RPS6KC1: variants seen among roughly 807,000 people sequenced by gnomAD.
RPS6KC1 encodes the protein ribosomal protein S6 kinase C1.
RPS6KC1 carries 54 observed loss-of-function variants against 103.8 expected under a neutral mutation model. That is an observed-to-expected ratio of 0.52 (90% CI 0.42 to 0.65). The LOEUF (loss-of-function observed/expected upper bound fraction) is 0.65. RPS6KC1 is among the 30% of genes least tolerant of loss of function. The pLI is 0.00. For missense variants in RPS6KC1, 1,151 were observed against 1,253.8 expected (o/e 0.92, Z 1.24); for synonymous variants, 439 against 438.7 (o/e 1.00, Z -0.01).
chr1:213,520,445 G>C, the RPS6KC1 span, among the ~76,000 whole-genome samples: 1 of 152,094 alleles, frequency 6.6e-6, no homozygotes, highest in East Asian at 1.9e-4. Flanking sequence ...ACAACACGTG[G>C]GAATTGTGAG....
At chr1:213,785,444 A>G in the RPS6KC1 span, among the ~76,000 whole-genome samples, 3 of 152,164 alleles carry the variant, frequency 2.0e-5, no homozygotes, top group Admixed American at 6.6e-5. Flanking sequence ...AACCCAGAAA[A>G]TAAACCCAAA....
At chr1:213,151,936 C>A (rs1226939983) in intron 6 of RPS6KC1, among the ~76,000 whole-genome samples, 1 of 126,036 alleles carries the variant, frequency 7.9e-6, no homozygotes. Flanking sequence ...GGCTGACCCC[C>A]CCACCTCCCT....
the RPS6KC1 span, among the ~76,000 whole-genome samples, chr1:213,701,550 T>C: frequency 3.9e-5 from 6 of 152,098 alleles, no homozygotes; most frequent in Non-Finnish European, 8.8e-5. Flanking sequence ...CCTGGGCTTT[T>C]CTTTACTGGG....
At chr1:213,597,191 G>A in the RPS6KC1 span, among the ~76,000 whole-genome samples, 3,145 of 152,288 alleles carry the variant, frequency 0.021, 114 homozygotes, top group African/African-American at 0.071. Flanking sequence ...TAGGTTTAAA[G>A]GGTTCTTTCC....
At chr1:213,729,097 G>A in the RPS6KC1 span, among the ~76,000 whole-genome samples, 19 of 151,960 alleles carry the variant, frequency 1.3e-4, no homozygotes, top group Non-Finnish European at 2.4e-4. Flanking sequence ...TTTAAAAGAC[G>A]ACAGTTAGGT....
the RPS6KC1 span, among the ~76,000 whole-genome samples, chr1:213,752,849 C>T: frequency 5.9e-5 from 9 of 151,588 alleles, no homozygotes; most frequent in Non-Finnish European, 1.2e-4. Flanking sequence ...TCCACTTAGA[C>T]TCCTTCCCCT....
the RPS6KC1 span, among the ~76,000 whole-genome samples, chr1:213,854,837 G>A: frequency 3.3e-5 from 5 of 152,148 alleles, no homozygotes; most frequent in Non-Finnish European, 7.3e-5. Context: ...CCCATGCCCC[G>A]CCTTATCCCA....
chr1:213,421,613 A>G, the RPS6KC1 span, among the ~76,000 whole-genome samples: 2 of 152,210 alleles, frequency 1.3e-5, no homozygotes, highest in Non-Finnish European at 2.9e-5. Context: ...GGTGGAACCC[A>G]CCACCCCTCA....
rs2095099185 is a variant in RPS6KC1 at position 213,274,254 on chromosome 1, A to G, written c.*1620A>G. ...CTAGTCCCCTGGCCTCATAACAGGAACTTATGCAGGTGAGACACAAGAATG... is the reference window on the plus strand; with the variant it reads ...CTAGTCCCCTGGCCTCATAACAGGAGCTTATGCAGGTGAGACACAAGAATG... On this transcript the variant is annotated 3_prime_UTR_variant, in exon 15 of 15. Transcript: ENST00000366960. 6.6e-6 allele frequency: 1 copy of G among 152,180 alleles called. No homozygotes were observed. The highest frequency in any genetic ancestry group is 2.1e-4 in the South Asian group (1 of 4,818). 9.4% of individuals were successfully genotyped at this position (152,180 alleles called of 1,614,324 possible). A position where few individuals can be genotyped will look rare whatever the true frequency, so the allele number is the denominator to read the frequency against.
At chr1:213,599,977 T>G in the RPS6KC1 span, among the ~76,000 whole-genome samples, 1 of 152,138 alleles carries the variant, frequency 6.6e-6, no homozygotes, top group Non-Finnish European at 1.5e-5. Flanking sequence ...GTAATCCCCA[T>G]GTGTAGAGGG....
At chr1:213,397,174 A>C in the RPS6KC1 span, among the ~76,000 whole-genome samples, 5 of 152,160 alleles carry the variant, frequency 3.3e-5, no homozygotes, top group Non-Finnish European at 7.3e-5. Flanking sequence ...ATCGTGGCTC[A>C]TTCTACTGCA....
At chr1:213,155,459 A>G (rs1481892283) in intron 6 of RPS6KC1, among the ~76,000 whole-genome samples, 1 of 152,198 alleles carries the variant, frequency 6.6e-6, no homozygotes, top group Non-Finnish European at 1.5e-5. Context: ...CCCTCTGGCT[A>G]GAGTGGGTTT....
chr1:213,458,739 C>T, the RPS6KC1 span, among the ~76,000 whole-genome samples: 4 of 151,880 alleles, frequency 2.6e-5, no homozygotes, highest in Admixed American at 1.3e-4. Flanking sequence ...TGATATTGGC[C>T]GTGGGTTTGT....
the RPS6KC1 span, among the ~76,000 whole-genome samples, chr1:213,667,957 G>A: frequency 6.6e-6 from 1 of 152,138 alleles, no homozygotes; most frequent in East Asian, 1.9e-4. Context: ...CATCTTCAGG[G>A]TCTACTTCTA....
chr1:213,494,644 A>G, the RPS6KC1 span, among the ~76,000 whole-genome samples: 5 of 152,208 alleles, frequency 3.3e-5, no homozygotes, highest in African/African-American at 1.2e-4. Context: ...AATATGAGCA[A>G]GAAAATGATC....
chr1:213,333,299 GT>G, the RPS6KC1 span, among the ~76,000 whole-genome samples: 1 of 152,142 alleles, frequency 6.6e-6, no homozygotes, highest in African/African-American at 2.4e-5. Flanking sequence ...GAGATCTATG[GT>G]TTTTATAAAT....
the RPS6KC1 span, among the ~76,000 whole-genome samples, chr1:213,662,428 A>ATTTTTTTTTTTTT: frequency 6.6e-5 from 8 of 120,952 alleles, no homozygotes; most frequent in Non-Finnish European, 8.4e-5. Context: ...CACCTGGCTA[A>ATTTTTTTTTTTTT]TTTTTTTTTT....
the RPS6KC1 span, among the ~76,000 whole-genome samples, chr1:213,494,282 A>C: frequency 1.3e-5 from 2 of 152,144 alleles, no homozygotes; most frequent in Non-Finnish European, 2.9e-5. Context: ...ACTACTGTGA[A>C]GAAAGGAAGA....
At chr1:213,302,298 T>G in the RPS6KC1 span, among the ~76,000 whole-genome samples, 578 of 152,322 alleles carry the variant, frequency 3.8e-3, 5 homozygotes, top group South Asian at 0.016. Context: ...GCTAATGGCC[T>G]TTTGTAGGTT....
Sources: allele counts gnomAD v4.1 joint callset (sites outside exome capture counted in the v4.1 genomes callset), GRCh38; gene constraint gnomAD v4.1.1; transcripts MANE v1.5; gene names NCBI Gene and HGNC (gene_info 2026-07-23, HGNC 2026-07-21).